Variants in FILIP1L observed in about 807,000 individuals in gnomAD.
The protein encoded by FILIP1L is filamin A interacting protein 1 like.
Under a neutral mutation model 96.6 loss-of-function variants are expected in FILIP1L, and 55 were observed. The ratio of observed to expected loss-of-function variants is 0.57; its 90% CI spans 0.46 to 0.71. The LOEUF (loss-of-function observed/expected upper bound fraction) is 0.71. FILIP1L is among the 30% of genes least tolerant of loss of function. The pLI, the probability that FILIP1L is intolerant of heterozygous loss-of-function variation, is 0.00. For synonymous variants in FILIP1L, 467 were observed against 473.9 expected, an observed-to-expected ratio of 0.99 and a Z score of 0.19; for missense variants, 1,304 against 1,321.2, an observed-to-expected ratio of 0.99 and a Z score of 0.20.
At chr3:99,920,506 G>T (rs1003960549) in intron 4 of FILIP1L, among the ~76,000 whole-genome samples, 2 of 152,170 alleles carry the variant, frequency 1.3e-5, no homozygotes, top group African/African-American at 4.8e-5. Context: ...GGTCATTGGT[G>T]ACACACGTAT....
intron 1 of FILIP1L, among the ~76,000 whole-genome samples, chr3:100,000,149 G>A (rs1223806009): frequency 6.6e-6 from 1 of 152,094 alleles, no homozygotes; most frequent in Non-Finnish European, 1.5e-5. Context: ...TTTACAATTA[G>A]CCTGGAATTT....
At chr3:100,025,431 T>C (rs1315619475) in intron 1 of FILIP1L, 1 of 152,180 alleles carries the variant, frequency 6.6e-6, no homozygotes, top group Non-Finnish European at 1.5e-5. Flanking sequence ...CTTCCAGTGT[T>C]GTCTTCCTTC....
At chr3:99,913,896 G>C (rs1706872039) in intron 4 of FILIP1L, among the ~76,000 whole-genome samples, 1 of 152,158 alleles carries the variant, frequency 6.6e-6, no homozygotes, top group South Asian at 2.1e-4. Flanking sequence ...AGTTTGTCAG[G>C]CATCTCGGAT....
chr3:99,973,060 A>G (rs537675475), intron 1 of FILIP1L, among the ~76,000 whole-genome samples: 76 of 152,356 alleles, frequency 5.0e-4, no homozygotes, highest in African/African-American at 1.5e-3. Flanking sequence ...TAGGTGCAGA[A>G]CTATAGGAAC....
intron 1 of FILIP1L, among the ~76,000 whole-genome samples, chr3:99,991,660 T>C (rs1224122333): frequency 6.6e-6 from 1 of 152,026 alleles, no homozygotes; most frequent in African/African-American, 2.4e-5. Context: ...TATGTCCATG[T>C]ATATCCATTG....
intron 1 of FILIP1L, among the ~76,000 whole-genome samples, chr3:100,055,225 C>A (rs572925650): frequency 6.6e-6 from 1 of 152,286 alleles, no homozygotes; most frequent in Admixed American, 6.5e-5. Flanking sequence ...ATTTCCAGTA[C>A]AAGAGTATCA....
At chr3:100,084,380 T>G (rs1025743519) in intron 1 of FILIP1L, among the ~76,000 whole-genome samples, 1 of 152,196 alleles carries the variant, frequency 6.6e-6, no homozygotes, top group Non-Finnish European at 1.5e-5. Flanking sequence ...CTAGTTAATT[T>G]GGACCTAAAT....
chr3:99,840,468 C>T (rs1214786195), intron 5 of FILIP1L, among the ~76,000 whole-genome samples: 4 of 151,976 alleles, frequency 2.6e-5, no homozygotes, highest in African/African-American at 9.7e-5. Flanking sequence ...ATGATCTGCC[C>T]GCTTTGGCCT....
chr3:99,944,367 C>T (rs1707943651), intron 1 of FILIP1L, among the ~76,000 whole-genome samples: 1 of 152,084 alleles, frequency 6.6e-6, no homozygotes, highest in South Asian at 2.1e-4. Flanking sequence ...TACAGCTGTT[C>T]CAAAAAAGAT....
intron 1 of FILIP1L, among the ~76,000 whole-genome samples, chr3:100,083,696 T>C (rs1235007456): frequency 6.6e-6 from 1 of 152,242 alleles, no homozygotes; most frequent in Non-Finnish European, 1.5e-5. Context: ...AACTAAATTG[T>C]GTTTTCAACT....
At chr3:99,963,635 G>C (rs1040884171) in intron 1 of FILIP1L, among the ~76,000 whole-genome samples, 1 of 150,912 alleles carries the variant, frequency 6.6e-6, no homozygotes, top group Admixed American at 6.6e-5. Context: ...TTTTTTAGAC[G>C]GAGTGTCGCT....
At chr3:100,061,270 T>G (rs2065561182) in intron 1 of FILIP1L, among the ~76,000 whole-genome samples, 1 of 152,236 alleles carries the variant, frequency 6.6e-6, no homozygotes, top group Non-Finnish European at 1.5e-5. Context: ...GTTTGTGTAA[T>G]GAGAGGCTCC....
intron 4 of FILIP1L, among the ~76,000 whole-genome samples, chr3:99,916,754 C>G (rs1041757542): frequency 3.9e-5 from 6 of 152,074 alleles, no homozygotes; most frequent in Admixed American, 2.6e-4. Flanking sequence ...TGTTCTAACT[C>G]GAGTCTATGC....
chr3:100,074,325 TG>T lies in FILIP1L; in HGVS notation c.-11+39727del, dbSNP rs573551838. Among the ~76,000 whole-genome samples, 32 of 152,328 alleles carry T rather than the reference TG, an allele frequency of 2.1e-4. No homozygotes were observed. The East Asian group carries it at 6.2e-3, about 29-fold the overall frequency. ...TTTCCGTTGCTGAATCCCTACACTCTGGGAACAGACAAGATGTCAATGTTGT... is the reference window on the plus strand; with the variant it reads ...TTTCCGTTGCTGAATCCCTACACTCTGGAACAGACAAGATGTCAATGTTGT... On this transcript the variant is annotated intron_variant, in intron 1 of 5. Coordinates refer to ENST00000477258, the MANE Select transcript of FILIP1L (RefSeq NM_001387850.1).
Position 99,851,030 on chromosome 3 carries a change from C to T in FILIP1L, c.646G>A (p.Glu216Lys), listed in dbSNP as rs1210087446. 1 of 1,605,916 alleles carries T rather than the reference C, an allele frequency of 6.2e-7. No individual in the cohort carries two copies. Among genetic ancestry groups the T allele is most frequent in the Non-Finnish European group, 8.5e-7 (1 of 1,178,300 alleles). The change falls in exon 5 of 6, where the codon GAG becomes AAG. Residue 216 changes from glutamate (E) to lysine (K), a missense_variant. Transcript: ENST00000477258. ...CTTTTCTCCTTTTCTTGCTCCTTCT[C>T]CTCCTGAGACTTGATTTCTTGATCA... ...LIDQEIKSQE[E>K]KEQEKEKRVT...
At chr3:99,924,546 T>A (rs577085112) in intron 3 of FILIP1L, 138 bp from the exon 4 acceptor site, 1 of 844,428 alleles carries the variant, frequency 1.2e-6, no homozygotes, top group Admixed American at 2.6e-5. Flanking sequence ...TGAAACAGTT[T>A]TCGCTGTCGT....
chr3:99,850,958 A>G lies in FILIP1L; in HGVS notation c.718T>C (p.Leu240=), dbSNP rs769550074. The change falls in exon 5 of 6, where the codon TTG becomes CTG. Residue 240 remains leucine (L), a synonymous_variant. Coordinates refer to ENST00000477258, the MANE Select transcript of FILIP1L (RefSeq NM_001387850.1). ...CTTTGCTGTTCATCCACCACCATCA[A>G]AGCAAAAGACTTCAGCTTGGTCAGC... ...EELTKLKSFA[L]MVVDEQQRLT... 1 of 1,613,962 alleles carries G rather than the reference A, an allele frequency of 6.2e-7. No individual in the cohort carries two copies. The highest frequency in any genetic ancestry group is 1.1e-5 in the South Asian group (1 of 91,080).
Position 99,850,043 on chromosome 3 carries a change from T to C in FILIP1L, c.1633A>G (p.Arg545Gly). 1 of 1,610,918 alleles carries C rather than the reference T, an allele frequency of 6.2e-7. No individual in the cohort carries two copies. Among genetic ancestry groups the C allele is most frequent in the Non-Finnish European group, 8.5e-7 (1 of 1,179,212 alleles). Residue 545 changes from arginine (R) to glycine (G), a missense_variant, in exon 5 of 6, where the codon AGG (arginine) becomes GGG (glycine). Transcript: ENST00000477258. The stretch of plus-strand genomic sequence containing the variant: ...ACATCGGTTTTGGACTTGAGCGCCC[T>C]TTTAGTTTCCTCAATTAACTTCTCA... ...VTEKLIEETK[R>G]ALKSKTDVEE...
chr3:99,977,244 C>G (rs554757804), intron 1 of FILIP1L, among the ~76,000 whole-genome samples: 1 of 152,106 alleles, frequency 6.6e-6, no homozygotes, highest in Non-Finnish European at 1.5e-5. Context: ...CACAGTGGAG[C>G]TGATGCCTCA....
Sources: gnomAD v4.1 joint callset for allele counts (sites outside exome capture counted in the v4.1 genomes callset) on GRCh38, gnomAD v4.1.1 for gene constraint, MANE v1.5 for transcripts, NCBI Gene and HGNC (gene_info 2026-07-23, HGNC 2026-07-21) for gene names.